CD99L2: variants seen among roughly 807,000 people sequenced by gnomAD.
CD99L2 encodes CD99 antigen-like protein 2.
A neutral mutation model predicts 27.3 loss-of-function variants in CD99L2; 24 were observed. The ratio of observed to expected loss-of-function variants is 0.88; its 90% CI spans 0.64 to 1.24. The LOEUF (loss-of-function observed/expected upper bound fraction) is 1.24, where lower values mean the gene tolerates loss of function less well. Among genes scored for constraint, CD99L2 ranks in the 50% most tolerant of loss-of-function variants. CD99L2 has a pLI of 0.00. For missense variants in CD99L2, 255 were observed against 221.6 expected, an observed-to-expected ratio of 1.15 and a Z score of -0.96; for synonymous variants, 97 against 87.9, an observed-to-expected ratio of 1.10 and a Z score of -0.58.
intron 7 of CD99L2, among the ~76,000 whole-genome samples, chrX:150,782,518 T>G (rs1199757495): frequency 2.7e-5 from 3 of 111,882 alleles, no homozygotes; most frequent in Non-Finnish European, 5.6e-5. Context: ...GCTCCTGAGA[T>G]ACCAGCAAGG....
chrX:150,889,990 A>C (rs1557422743), intron 1 of CD99L2, among the ~76,000 whole-genome samples: 1 of 108,973 alleles, frequency 9.2e-6, no homozygotes, highest in East Asian at 2.9e-4. Flanking sequence ...GTCTCTACTA[A>C]AAATACAAAA....
chrX:150,775,653 G>T (rs1218909175), intron 9 of CD99L2, among the ~76,000 whole-genome samples: 1 of 112,403 alleles, frequency 8.9e-6, no homozygotes, highest in East Asian at 2.8e-4. Context: ...GCTCGTAGGG[G>T]GAAGAGCACC....
intron 1 of CD99L2, among the ~76,000 whole-genome samples, chrX:150,850,339 C>A (rs2046770127): frequency 9.0e-6 from 1 of 111,605 alleles, no homozygotes; most frequent in Non-Finnish European, 1.9e-5. Flanking sequence ...CCATTAAGGC[C>A]AGCTCAGCAG....
intron 9 of CD99L2, among the ~76,000 whole-genome samples, chrX:150,771,287 C>T (rs1318562842): frequency 8.9e-6 from 1 of 112,880 alleles, no homozygotes; most frequent in African/African-American, 3.2e-5. Context: ...CCGGTGGCTG[C>T]TGGGCTTGAG....
At chrX:150,795,527 G>T in intron 4 of CD99L2, 41 bp from the exon 5 acceptor site, 1 of 1,163,689 alleles carries the variant, frequency 8.6e-7, no homozygotes, top group Non-Finnish European at 1.2e-6. Context: ...GCACATTTAG[G>T]AACAAAATGC....
At chrX:150,886,955 C>G (rs2047420148) in intron 1 of CD99L2, among the ~76,000 whole-genome samples, 1 of 110,644 alleles carries the variant, frequency 9.0e-6, no homozygotes, top group Non-Finnish European at 1.9e-5. Context: ...TCACTTGAGC[C>G]CAGGAGTTTG....
intron 1 of CD99L2, among the ~76,000 whole-genome samples, chrX:150,869,430 C>T (rs1296910987): frequency 8.9e-6 from 1 of 112,552 alleles, no homozygotes; most frequent in African/African-American, 3.2e-5. Flanking sequence ...TCACCCTGGT[C>T]CCTCCACTAA....
At chrX:150,798,237 GAA>G (rs1557419983) in intron 4 of CD99L2, among the ~76,000 whole-genome samples, 1 of 24,021 alleles carries the variant, frequency 4.2e-5, no homozygotes, top group African/African-American at 2.4e-4. Flanking sequence ...AGGAAGGAAG[GAA>G]GGAAGGAAGG....
intron 1 of CD99L2, among the ~76,000 whole-genome samples, chrX:150,864,835 G>A (rs1243494643): frequency 1.8e-5 from 2 of 111,977 alleles, no homozygotes. Flanking sequence ...TAATACCATG[G>A]AATTGTAGAC....
chrX:150,822,606 G>A (rs1171716408), intron 2 of CD99L2, among the ~76,000 whole-genome samples: 2 of 111,292 alleles, frequency 1.8e-5, no homozygotes, highest in African/African-American at 3.3e-5. Flanking sequence ...TACTGTATTC[G>A]GAATTTTTGC....
At chrX:150,769,600 T>G (rs782417093) in intron 10 of CD99L2, among the ~76,000 whole-genome samples, 1 of 109,944 alleles carries the variant, frequency 9.1e-6, no homozygotes, top group African/African-American at 3.3e-5. Context: ...CCTCCTGGTC[T>G]CCCAGGCCCA....
rs782313986 is a variant in CD99L2 at position 150,865,066 on chromosome X, C to CAA, written c.67+33454_67+33455dup. Among the ~76,000 whole-genome samples the CAA allele has an allele frequency of 3.9e-3, 199 of 51,103 alleles. 6 individuals are homozygous for CAA. The highest frequency in any genetic ancestry group is 0.035 in the Admixed American group (168 of 4,803). The allele number at this position is 51,103 out of a possible 115,157, so 44.4% of individuals were successfully genotyped here. A position where few individuals can be genotyped will look rare whatever the true frequency, so the allele number is the denominator to read the frequency against. On this transcript the variant is annotated intron_variant, in intron 1 of 10. Transcript: ENST00000370377. The stretch of plus-strand genomic sequence containing the variant: ...TGGGAGACAGAGCGAGACCCTGTCT[C>CAA]AAAAAAAAAAAAAAAATTAAATTTT...
At chrX:150,860,389 T>C (rs1289150850) in intron 1 of CD99L2, among the ~76,000 whole-genome samples, 1 of 112,214 alleles carries the variant, frequency 8.9e-6, no homozygotes, top group African/African-American at 3.2e-5. Context: ...GCTGAAAGCA[T>C]TTCCTCTAAG....
At chrX:150,824,991 G>A (rs2046348512) in intron 2 of CD99L2, among the ~76,000 whole-genome samples, 1 of 111,972 alleles carries the variant, frequency 8.9e-6, no homozygotes, top group African/African-American at 3.2e-5. Context: ...TATGGTAAGA[G>A]AACCACATGT....
intron 4 of CD99L2, among the ~76,000 whole-genome samples, chrX:150,801,622 AG>A (rs199912966): frequency 3.4e-4 from 38 of 110,163 alleles, no homozygotes; most frequent in African/African-American, 9.3e-4. Context: ...ACCTTATTAA[AG>A]AAAAAAAAAA....
At chrX:150,894,571 TTGTG>T (rs199941967) in intron 1 of CD99L2, among the ~76,000 whole-genome samples, 21,493 of 99,309 alleles carry the variant, frequency 0.22, 1,786 homozygotes, top group Middle Eastern at 0.35. Context: ...TTCTTTTGTT[TTGTG>T]TGTGTGTGTG....
intron 9 of CD99L2, among the ~76,000 whole-genome samples, chrX:150,772,403 C>A (rs1278804334): frequency 8.9e-6 from 1 of 112,613 alleles, no homozygotes; most frequent in Non-Finnish European, 1.9e-5. Flanking sequence ...GCGAGAGGAG[C>A]TAGGTCAGGA....
intron 1 of CD99L2, among the ~76,000 whole-genome samples, chrX:150,837,035 A>T (rs910909600): frequency 8.9e-6 from 1 of 111,835 alleles, no homozygotes; most frequent in Non-Finnish European, 1.9e-5. Context: ...GGGTTAGTAT[A>T]AAGACATATA....
chrX:150,837,055 T>C (rs2046541736), intron 1 of CD99L2, among the ~76,000 whole-genome samples: 1 of 111,428 alleles, frequency 9.0e-6, no homozygotes, highest in African/African-American at 3.3e-5. Flanking sequence ...ATTCCCTTGC[T>C]CTGTCAACTG....
Sources: allele counts gnomAD v4.1 joint callset (sites outside exome capture counted in the v4.1 genomes callset), GRCh38; gene constraint gnomAD v4.1.1; transcripts MANE v1.5; gene names NCBI Gene and HGNC (gene_info 2026-07-23, HGNC 2026-07-21).